The following RTN4RL1 variants were observed in gnomAD, a reference collection of about 807,000 sequenced individuals.
RTN4RL1 encodes reticulon 4 receptor like 1, also known as reticulon-4 receptor-like 1.
A neutral mutation model predicts 25.6 loss-of-function variants in RTN4RL1; 7 were observed. That is an observed-to-expected ratio of 0.27 (90% CI 0.16 to 0.51). RTN4RL1 has a LOEUF of 0.51. RTN4RL1 is among the 20% of genes least tolerant of loss of function. RTN4RL1 has a pLI of 0.97. For synonymous variants in RTN4RL1, 297 were observed against 288.2 expected (o/e 1.03, Z -0.31); for missense variants, 500 against 615.6 (o/e 0.81, Z 1.99).
Position 1,951,274 on chromosome 17 carries a change from A to T in RTN4RL1, c.14-13466T>A, listed in dbSNP as rs555316101. 5.5e-4 allele frequency among the ~76,000 whole-genome samples: 84 copies of T among 152,072 alleles called. 1 individual carries two copies. Among genetic ancestry groups the T allele is most frequent in the African/African-American group, 1.9e-3 (78 of 41,486 alleles). On this transcript the variant is annotated intron_variant, in intron 1 of 1. Coordinates refer to ENST00000331238, the MANE Select transcript of RTN4RL1 (RefSeq NM_178568.4). ...AGCGAGACTCCGTCTCAAAAAAAAA[A>T]ATATTAAATTTTATTAACAAAAAAT...
chr17:2,018,955 G>C (rs1281334651), intron 1 of RTN4RL1: 2 of 152,264 alleles, frequency 1.3e-5, no homozygotes, highest in Non-Finnish European at 2.9e-5. Context: ...CCTCCCAGCA[G>C]GCTTGGCTGG....
At chr17:1,985,150 C>T (rs544393560) in intron 1 of RTN4RL1, among the ~76,000 whole-genome samples, 2 of 152,304 alleles carry the variant, frequency 1.3e-5, no homozygotes, top group Admixed American at 6.5e-5. Context: ...AAGGAACTTC[C>T]AGGAAGGTGT....
chr17:2,008,678 C>T lies in RTN4RL1; in HGVS notation c.13+16175G>A, dbSNP rs531821482. Among the ~76,000 whole-genome samples, 9 of 152,250 alleles carry T rather than the reference C, an allele frequency of 5.9e-5. No individual in the cohort carries two copies. The South Asian group carries it at 1.5e-3, about 25-fold the overall frequency. ...TGCAACAGTTGGGCTCCCACCAATC[C>T]GCCCTACCACTAACTGATCTGCCAC... On this transcript the variant is annotated intron_variant, in intron 1 of 1. Transcript: ENST00000331238.
At chr17:1,939,945 G>A (rs1171209846) in intron 1 of RTN4RL1, among the ~76,000 whole-genome samples, 1 of 152,216 alleles carries the variant, frequency 6.6e-6, no homozygotes, top group Non-Finnish European at 1.5e-5. Flanking sequence ...ACCCAGGGCA[G>A]CTGAGTCTCT....
At chr17:1,970,019 CTTTTTTT>C (rs59804703) in intron 1 of RTN4RL1, among the ~76,000 whole-genome samples, 3 of 72,188 alleles carry the variant, frequency 4.2e-5, no homozygotes, top group Admixed American at 1.9e-4. Flanking sequence ...CTCTCTCTCT[CTTTTTTT>C]TTTTTTTTTT....
At chr17:2,006,616 C>A (rs1204395313) in intron 1 of RTN4RL1, among the ~76,000 whole-genome samples, 1 of 135,154 alleles carries the variant, frequency 7.4e-6, no homozygotes, top group Non-Finnish European at 1.6e-5. Context: ...CCACGCCTGG[C>A]CAAATTTGTT....
At chr17:1,988,252 T>A (rs2066894989) in intron 1 of RTN4RL1, among the ~76,000 whole-genome samples, 1 of 151,034 alleles carries the variant, frequency 6.6e-6, no homozygotes, top group Admixed American at 6.6e-5. Context: ...CCGTCTCTAC[T>A]AAAAATACAA....
intron 1 of RTN4RL1, among the ~76,000 whole-genome samples, chr17:1,965,816 T>C (rs915461108): frequency 6.6e-6 from 1 of 152,140 alleles, no homozygotes; most frequent in Non-Finnish European, 1.5e-5. Flanking sequence ...GCCCCAGGAC[T>C]CTCCGCCCTC....
chr17:1,977,517 G>A lies in RTN4RL1; in HGVS notation c.14-39709C>T, dbSNP rs112902189. On this transcript the variant is annotated intron_variant, in intron 1 of 1. Transcript: ENST00000331238. ...AGAGCGGGGTCGAGAGCCGCCCAGT[G>A]CCGCCCCCCACCCCGCCCGCCGGCC... Among the ~76,000 whole-genome samples the A allele has an allele frequency of 9.0e-3, 1,375 of 152,184 alleles. 20 individuals are homozygous for A. Among genetic ancestry groups the A allele is most frequent in the African/African-American group, 0.031 (1,296 of 41,534 alleles).
intron 1 of RTN4RL1, among the ~76,000 whole-genome samples, chr17:1,999,966 T>C (rs1396157230): frequency 4.6e-5 from 7 of 152,184 alleles, no homozygotes; most frequent in Admixed American, 4.6e-4. Flanking sequence ...GGTGGCCAAG[T>C]GCTGACCACT....
At chr17:1,986,864 A>G (rs1172313949) in intron 1 of RTN4RL1, among the ~76,000 whole-genome samples, 3 of 151,918 alleles carry the variant, frequency 2.0e-5, no homozygotes, top group Non-Finnish European at 4.4e-5. Context: ...ACCACATGAC[A>G]CAATGCTCAC....
At chr17:1,957,795 G>C (rs1223695146) in intron 1 of RTN4RL1, among the ~76,000 whole-genome samples, 1 of 152,138 alleles carries the variant, frequency 6.6e-6, no homozygotes, top group African/African-American at 2.4e-5. Context: ...ACTAAGCCTA[G>C]ATTGCACCAC....
chr17:2,015,257 G>A (rs957636593), intron 1 of RTN4RL1, among the ~76,000 whole-genome samples: 4 of 152,282 alleles, frequency 2.6e-5, no homozygotes, highest in African/African-American at 9.6e-5. Flanking sequence ...GGAGAGCAAT[G>A]GTGCCAGATG....
intron 1 of RTN4RL1, among the ~76,000 whole-genome samples, chr17:1,976,478 T>C (rs2066843140): frequency 1.3e-5 from 2 of 152,184 alleles, no homozygotes; most frequent in Admixed American, 1.3e-4. Flanking sequence ...GAGGTTTAAG[T>C]AGTGTTGGTG....
chr17:1,990,962 A>G (rs2066905969), intron 1 of RTN4RL1, among the ~76,000 whole-genome samples: 4 of 152,092 alleles, frequency 2.6e-5, no homozygotes, highest in Admixed American at 2.0e-4. Context: ...CATAGCCACA[A>G]TGGAGAAAAT....
At chr17:1,942,840 G>A (rs1915467806) in intron 1 of RTN4RL1, among the ~76,000 whole-genome samples, 1 of 152,174 alleles carries the variant, frequency 6.6e-6, no homozygotes, top group Non-Finnish European at 1.5e-5. Context: ...GAAGGGAAAG[G>A]CAATGGCCAC....
chr17:1,937,573 G>A lies in RTN4RL1; in HGVS notation c.249C>T (p.Ile83=). ...GGATGTAGGTGATGTTGTTCGAGTA[G>A]ATCCACAGGGTGACCATGGCGGGGC... is the stretch of plus-strand genomic sequence containing the variant. ...HFSPAMVTLW[I]YSNNITYIHP... The change falls in exon 2 of 2, where the codon ATC becomes ATT. Residue 83 remains isoleucine, a synonymous_variant. Coordinates refer to ENST00000331238, the MANE Select transcript of RTN4RL1 (RefSeq NM_178568.4). The A allele has an allele frequency of 6.2e-7, 1 of 1,613,918 alleles. No individual in the cohort carries two copies. Among genetic ancestry groups the A allele is most frequent in the African/African-American group, 1.3e-5 (1 of 75,058 alleles).
intron 1 of RTN4RL1, among the ~76,000 whole-genome samples, chr17:1,969,596 T>C (rs1207736157): frequency 5.9e-5 from 9 of 152,160 alleles, no homozygotes; most frequent in Non-Finnish European, 1.0e-4. Flanking sequence ...GGCTTGAAGC[T>C]TTCCCATTTT....
In RTN4RL1 at chr17:1,935,711, G is replaced by GTATATATATATATATATATA; in HGVS notation, c.*765_*784dup. 6.4e-6 allele frequency: 1 copy of GTATATATATATATATATATA among 157,452 alleles called. No homozygotes were observed. Among genetic ancestry groups the GTATATATATATATATATATA allele is most frequent in the Non-Finnish European group, 8.8e-6 (1 of 113,044 alleles). 9.8% of individuals were successfully genotyped at this position (157,452 alleles called of 1,614,324 possible). ...AGTGGGAGGGGGACTGTGCATTTGT[G>GTATATATATATATATATATA]TATATATATATATATATATATATAT... On this transcript the variant is annotated 3_prime_UTR_variant, in exon 2 of 2. Coordinates refer to ENST00000331238, the MANE Select transcript of RTN4RL1 (RefSeq NM_178568.4).
Sources: allele counts gnomAD v4.1 joint callset (sites outside exome capture counted in the v4.1 genomes callset), GRCh38; gene constraint gnomAD v4.1.1; transcripts MANE v1.5; gene names NCBI Gene and HGNC (gene_info 2026-07-23, HGNC 2026-07-21).